IQCM: variants seen among roughly 807,000 people sequenced by gnomAD.
The protein encoded by IQCM is IQ domain-containing protein M.
Under a neutral mutation model 57.6 loss-of-function variants are expected in IQCM, and 45 were observed. The observed-to-expected ratio is 0.78, with a 90% CI of 0.62 to 1.00. The LOEUF (loss-of-function observed/expected upper bound fraction) is 1.00. Ranked by LOEUF, IQCM falls within the 50% of genes least tolerant of loss-of-function variation. IQCM has a pLI of 0.00. For synonymous variants in IQCM, 148 were observed against 158.9 expected (o/e 0.93, Z 0.51); for missense variants, 468 against 511.6 (o/e 0.91, Z 0.82).
chr4:149,516,474 C>T (rs1445211945), intron 12 of IQCM, among the ~76,000 whole-genome samples: 2 of 152,180 alleles, frequency 1.3e-5, no homozygotes, highest in African/African-American at 4.8e-5. Flanking sequence ...TCCCCATCAT[C>T]CTGAAGCAGC....
chr4:149,372,750 T>A (rs1730447494), intron 13 of IQCM, among the ~76,000 whole-genome samples: 1 of 152,144 alleles, frequency 6.6e-6, no homozygotes, highest in African/African-American at 2.4e-5. Context: ...GTAATCATAC[T>A]CTCAATTGCA....
rs189133558 is a variant in IQCM, at chr4:149,408,769, C to G, written c.1390+24627G>C. 1.5e-3 allele frequency among the ~76,000 whole-genome samples: 225 copies of G among 152,032 alleles called. 1 individual carries two copies. Among genetic ancestry groups the G allele is most frequent in the African/African-American group, 5.1e-3 (210 of 41,480 alleles). ...TTTCTTTTTTTAGATAATACCATAGCAGAGAAACACAACTGCTGTTCTTTA... is the reference window on the plus strand; with the variant it reads ...TTTCTTTTTTTAGATAATACCATAGGAGAGAAACACAACTGCTGTTCTTTA... On this transcript the variant is annotated intron_variant, in intron 13 of 13. Coordinates refer to ENST00000636793, the MANE Select transcript of IQCM (RefSeq NM_001363507.2).
intron 13 of IQCM, among the ~76,000 whole-genome samples, chr4:149,360,219 A>G (rs914847540): frequency 6.6e-6 from 1 of 152,192 alleles, no homozygotes; most frequent in Non-Finnish European, 1.5e-5. Context: ...GATCTAATAT[A>G]TTTGGAAAAA....
intron 13 of IQCM, among the ~76,000 whole-genome samples, chr4:149,372,336 A>T (rs1730422023): frequency 6.6e-6 from 1 of 152,152 alleles, no homozygotes; most frequent in Non-Finnish European, 1.5e-5. Context: ...GATAAGTTTT[A>T]TGAACAAAAA....
chr4:149,660,321 G>A (rs1190004491), intron 7 of IQCM, among the ~76,000 whole-genome samples: 1 of 152,108 alleles, frequency 6.6e-6, no homozygotes, highest in East Asian at 1.9e-4. Flanking sequence ...TCATTAAAAA[G>A]TCAGGAAACA....
At chr4:149,560,042 C>A (rs749642374) in intron 10 of IQCM, among the ~76,000 whole-genome samples, 1 of 152,156 alleles carries the variant, frequency 6.6e-6, no homozygotes, top group Non-Finnish European at 1.5e-5. Flanking sequence ...CTGCTCTGGT[C>A]CATGGAAAAA....
rs1039149438 is a variant in IQCM at position 149,764,943 on chromosome 4, G to A, written c.-48-22204C>T. 2.6e-5 allele frequency among the ~76,000 whole-genome samples: 4 copies of A among 152,022 alleles called. No individual in the cohort carries two copies. The South Asian group carries it at 6.2e-4, about 24-fold the overall frequency. ...TTGCTTCTGAATGTTACAGAAATCA[G>A]GAAAGAACAGGAAAGGGGTCTCAGG... is the stretch of plus-strand genomic sequence containing the variant. On this transcript the variant is annotated intron_variant, in intron 2 of 13. Coordinates refer to ENST00000636793, the MANE Select transcript of IQCM (RefSeq NM_001363507.2).
At chr4:149,491,192 A>G (rs189175174) in intron 12 of IQCM, among the ~76,000 whole-genome samples, 1 of 152,038 alleles carries the variant, frequency 6.6e-6, no homozygotes, top group South Asian at 2.1e-4. Flanking sequence ...AAAATTGTAC[A>G]TATTGTGTAT....
At chr4:149,636,667 G>A (rs1757743593) in intron 7 of IQCM, among the ~76,000 whole-genome samples, 1 of 151,868 alleles carries the variant, frequency 6.6e-6, no homozygotes, top group Non-Finnish European at 1.5e-5. Flanking sequence ...TAAGGCAGGA[G>A]GTCTATAATC....
At chr4:149,372,669 T>C (rs2110988468) in intron 13 of IQCM, among the ~76,000 whole-genome samples, 1 of 152,270 alleles carries the variant, frequency 6.6e-6, no homozygotes, top group East Asian at 1.9e-4. Flanking sequence ...GTGAGGACTG[T>C]TTCTTAAGTT....
At chr4:149,447,532 G>A (rs952810593) in intron 12 of IQCM, among the ~76,000 whole-genome samples, 1 of 151,444 alleles carries the variant, frequency 6.6e-6, no homozygotes, top group South Asian at 2.1e-4. Context: ...ATTAATGGCA[G>A]ATTATACTTT....
chr4:149,518,781 G>GGA (rs948412753), intron 12 of IQCM, among the ~76,000 whole-genome samples: 3 of 151,794 alleles, frequency 2.0e-5, no homozygotes, highest in African/African-American at 4.8e-5. Context: ...GCCAGACCAG[G>GGA]GAGAGAGAGA....
intron 2 of IQCM, among the ~76,000 whole-genome samples, chr4:149,800,251 G>T (rs761961283): frequency 6.6e-6 from 1 of 151,682 alleles, no homozygotes; most frequent in Non-Finnish European, 1.5e-5. Flanking sequence ...AAAACCAAAT[G>T]ATCATTTCAA....
chr4:149,473,484 G>A (rs556447434), intron 12 of IQCM, among the ~76,000 whole-genome samples: 5 of 152,292 alleles, frequency 3.3e-5, no homozygotes, highest in East Asian at 1.9e-4. Context: ...AACAGGTGCC[G>A]GAGAGGATGT....
intron 13 of IQCM, among the ~76,000 whole-genome samples, chr4:149,417,431 G>T (rs535470273): frequency 1.3e-5 from 2 of 152,118 alleles, no homozygotes; most frequent in Admixed American, 1.3e-4. Flanking sequence ...ACATGGTGCT[G>T]TGAAGCTTGG....
intron 2 of IQCM, among the ~76,000 whole-genome samples, chr4:149,784,215 T>C (rs1490631995): frequency 6.6e-6 from 1 of 152,210 alleles, no homozygotes; most frequent in Non-Finnish European, 1.5e-5. Context: ...TATCCAACTC[T>C]GACTCATCTT....
chr4:149,732,387 A>G (rs1375680036), intron 5 of IQCM, among the ~76,000 whole-genome samples: 1 of 152,166 alleles, frequency 6.6e-6, no homozygotes, highest in Non-Finnish European at 1.5e-5. Flanking sequence ...CTCTTCTGAT[A>G]AATTTTCAGG....
chr4:149,677,965 A>G (rs1330899279), intron 7 of IQCM, among the ~76,000 whole-genome samples: 1 of 151,868 alleles, frequency 6.6e-6, no homozygotes, highest in Admixed American at 6.6e-5. Context: ...AATACAGACT[A>G]TTTGAAAATA....
intron 12 of IQCM, among the ~76,000 whole-genome samples, chr4:149,496,892 G>A (rs531294351): frequency 2.0e-5 from 3 of 152,230 alleles, no homozygotes; most frequent in East Asian, 3.9e-4. Flanking sequence ...CTCCTTTGGT[G>A]TCTGAAATAT....
Sources: gnomAD v4.1 joint callset for allele counts (sites outside exome capture counted in the v4.1 genomes callset) on GRCh38, gnomAD v4.1.1 for gene constraint, MANE v1.5 for transcripts, NCBI Gene and HGNC (gene_info 2026-07-23, HGNC 2026-07-21) for gene names.